The following CHN1 variants were observed in gnomAD, a reference collection of about 807,000 sequenced individuals.
The protein encoded by CHN1 is N-chimaerin.
A neutral mutation model predicts 59.5 loss-of-function variants in CHN1; 37 were observed. The ratio of observed to expected loss-of-function variants is 0.62; its 90% confidence interval spans 0.48 to 0.82. The LOEUF (loss-of-function observed/expected upper bound fraction) is 0.82, where lower values mean the gene tolerates loss of function less well. CHN1 is among the 40% of genes least tolerant of loss of function. The pLI is 0.00. For missense variants in CHN1, 469 were observed against 571.0 expected (o/e 0.82, Z 1.82); for synonymous variants, 206 against 200.4 (o/e 1.03, Z -0.24).
chr2:174,933,137 A>G (rs1689399550), intron 3 of CHN1, among the ~76,000 whole-genome samples: 1 of 152,198 alleles, frequency 6.6e-6, no homozygotes, highest in African/African-American at 2.4e-5. Context: ...TGTCTATTAG[A>G]CATATGAGAG....
At chr2:174,847,653 C>T (rs992909167) in intron 6 of CHN1, 30 of 1,321,048 alleles carry the variant, frequency 2.3e-5, no homozygotes, top group African/African-American at 1.2e-4. Context: ...GATTGGCCAC[C>T]GTAAGAAAGG....
At chr2:174,944,748 A>G in intron 3 of CHN1, 140 bp downstream of exon 3, 1 of 602,626 alleles carries the variant, frequency 1.7e-6, no homozygotes, top group Non-Finnish European at 2.9e-6. Flanking sequence ...ATTAAGAAAA[A>G]TGTATTCAAG....
At chr2:174,989,248 C>T (rs928024912) in intron 1 of CHN1, among the ~76,000 whole-genome samples, 17 of 151,842 alleles carry the variant, frequency 1.1e-4, no homozygotes, top group East Asian at 9.7e-4. Flanking sequence ...TGGTGGCGGG[C>T]GCCTGTAATC....
chr2:174,812,744 A>G (rs75758548), intron 8 of CHN1, among the ~76,000 whole-genome samples: 6,045 of 152,346 alleles, frequency 0.04, 166 homozygotes, highest in Non-Finnish European at 0.066. Context: ...CAACAAAAAA[A>G]TCAAAATTAA....
intron 1 of CHN1, among the ~76,000 whole-genome samples, chr2:174,993,635 A>G (rs1258454091): frequency 2.0e-5 from 3 of 151,670 alleles, no homozygotes; most frequent in Non-Finnish European, 2.9e-5. Context: ...AAAAAAAAAG[A>G]AAGAAAAAGG....
chr2:174,872,882 G>A lies in CHN1; in HGVS notation c.549+4958C>T, dbSNP rs114693340. ...TCATGCAATGCTTCACATTTACTAGGAAGGCCACATTACAAAATCTTTGCA... is the reference window on the plus strand; with the variant it reads ...TCATGCAATGCTTCACATTTACTAGAAAGGCCACATTACAAAATCTTTGCA... On this transcript the variant is annotated intron_variant, in intron 6 of 12. Coordinates refer to ENST00000409900, the MANE Select transcript of CHN1 (RefSeq NM_001822.7). Among the ~76,000 whole-genome samples the A allele has an allele frequency of 4.4e-3, 675 of 152,200 alleles. 6 individuals are homozygous for A. The highest frequency in any genetic ancestry group is 0.015 in the African/African-American group (637 of 41,520).
At chr2:174,801,288 C>G (rs1487466584) in intron 12 of CHN1, among the ~76,000 whole-genome samples, 4 of 152,182 alleles carry the variant, frequency 2.6e-5, no homozygotes, top group Non-Finnish European at 5.9e-5. Context: ...AATCCTGTCA[C>G]CAAGTTTGAA....
intron 1 of CHN1, among the ~76,000 whole-genome samples, chr2:174,975,669 A>G (rs540368728): frequency 6.6e-6 from 1 of 151,948 alleles, no homozygotes; most frequent in African/African-American, 2.4e-5. Flanking sequence ...AAAAAAAAAA[A>G]CAGAAGCAAT....
intron 8 of CHN1, chr2:174,821,742 T>G (rs1685504492): frequency 2.2e-6 from 1 of 462,932 alleles, no homozygotes; most frequent in Non-Finnish European, 4.5e-6. Context: ...ACACTGAACC[T>G]GCTGCCAGCT....
chr2:174,989,464 G>A (rs1273384553), intron 1 of CHN1, among the ~76,000 whole-genome samples: 1 of 151,450 alleles, frequency 6.6e-6, no homozygotes, highest in Non-Finnish European at 1.5e-5. Context: ...CACACAGTAA[G>A]CAACATATTA....
chr2:174,805,702 A>G (rs1432032485), intron 11 of CHN1, among the ~76,000 whole-genome samples: 1 of 152,244 alleles, frequency 6.6e-6, no homozygotes, highest in African/African-American at 2.4e-5. Context: ...CTCTAAGCCC[A>G]TAAAGATCTA....
chr2:174,802,907 G>C (rs536644932), intron 11 of CHN1, among the ~76,000 whole-genome samples: 3 of 152,046 alleles, frequency 2.0e-5, no homozygotes, highest in Non-Finnish European at 2.9e-5. Flanking sequence ...GTGTGGTGGC[G>C]GGTGCCTGTA....
At chr2:174,909,655 G>A (rs1047557178) in intron 5 of CHN1, among the ~76,000 whole-genome samples, 1 of 152,202 alleles carries the variant, frequency 6.6e-6, no homozygotes, top group Non-Finnish European at 1.5e-5. Flanking sequence ...AATACAAATA[G>A]AAAGATCACA....
At chr2:174,800,355 C>A in intron 12 of CHN1, 68 bp from the exon 13 acceptor site, 1 of 1,175,816 alleles carries the variant, frequency 8.5e-7, no homozygotes, top group Middle Eastern at 2.2e-4. Context: ...TGCTTGAACA[C>A]TAAAACAACA....
At chr2:174,931,982 C>T (rs2699794) in intron 3 of CHN1, among the ~76,000 whole-genome samples, 60,339 of 151,864 alleles carry the variant, frequency 0.4, 13,128 homozygotes, top group African/African-American at 0.58. Context: ...TTATAAGGCA[C>T]TGTGAAGGTT....
intron 11 of CHN1, 70 bp downstream of exon 11, chr2:174,808,835 C>G: frequency 1.3e-6 from 2 of 1,536,490 alleles, no homozygotes; most frequent in Non-Finnish European, 1.8e-6. Flanking sequence ...TCAAGTTAGC[C>G]AGAAAACCAG....
At chr2:174,996,210 CAG>C (rs1296389899) in intron 1 of CHN1, among the ~76,000 whole-genome samples, 1 of 152,082 alleles carries the variant, frequency 6.6e-6, no homozygotes, top group Non-Finnish European at 1.5e-5. Context: ...CAGAGAGTAA[CAG>C]AAAGTGTCAT....
chr2:174,999,992 C>A (rs1025315583), intron 1 of CHN1, among the ~76,000 whole-genome samples: 1 of 152,174 alleles, frequency 6.6e-6, no homozygotes, highest in Non-Finnish European at 1.5e-5. Context: ...CATTCCTCTA[C>A]AGTGTACACA....
At position 174,971,659 on chromosome 2, in the gene CHN1, AC is replaced by A. The variant is rs201929145; in HGVS notation, c.20-19458del. ...AATGTTATAAGGTATTATTACTAGT[AC>A]CATTTTATGCATGAGAAAACAAGTA... On this transcript the variant is annotated intron_variant, in intron 1 of 12. Transcript: ENST00000409900. Among the ~76,000 whole-genome samples, 726 of 152,328 alleles carry A rather than the reference AC, an allele frequency of 4.8e-3. 5 individuals are homozygous for A. Among genetic ancestry groups the A allele is most frequent in the African/African-American group, 0.017 (688 of 41,564 alleles).
Sources: allele counts gnomAD v4.1 joint callset (sites outside exome capture counted in the v4.1 genomes callset), GRCh38; gene constraint gnomAD v4.1.1; transcripts MANE v1.5; gene names NCBI Gene and HGNC (gene_info 2026-07-23, HGNC 2026-07-21).